PRKG1: variants seen among roughly 807,000 people sequenced by gnomAD.
The protein encoded by PRKG1 is cGMP-dependent protein kinase 1.
In PRKG1, 35 loss-of-function variants were observed where a neutral mutation model predicts 88.1. The ratio of observed to expected loss-of-function variants is 0.40; its 90% CI spans 0.30 to 0.53. The LOEUF (loss-of-function observed/expected upper bound fraction) is 0.53, where lower values mean the gene tolerates loss of function less well. Among genes scored for constraint, PRKG1 ranks in the 20% least tolerant of loss-of-function variants. PRKG1 has a pLI of 0.59. For synonymous variants in PRKG1, 303 were observed against 292.5 expected, an observed-to-expected ratio of 1.04 and a Z score of -0.37; for missense variants, 540 against 839.8, an observed-to-expected ratio of 0.64 and a Z score of 4.41.
intron 5 of PRKG1, among the ~76,000 whole-genome samples, chr10:51,927,399 A>C (rs189086092): frequency 6.6e-6 from 1 of 152,258 alleles, no homozygotes; most frequent in Admixed American, 6.5e-5. Context: ...GAGTCCATTA[A>C]CCTAAAACCT....
chr10:51,966,503 G>A lies in PRKG1; in HGVS notation c.762+58933G>A, dbSNP rs145006331. Among the ~76,000 whole-genome samples, 9 of 151,910 alleles carry A rather than the reference G, an allele frequency of 5.9e-5. No homozygotes were observed. In the East Asian group the frequency reaches 1.7e-3, roughly 29 times the overall value. On this transcript the variant is annotated intron_variant, in intron 5 of 17. Transcript: ENST00000373980. ...TTTCCGTATTTCCTTACTTTAACTG[G>A]CATTTTACGTCAATGCCATTTCTTT...
chr10:52,082,837 C>T (rs1846813771), intron 7 of PRKG1, among the ~76,000 whole-genome samples: 1 of 151,882 alleles, frequency 6.6e-6, no homozygotes, highest in South Asian at 2.1e-4. Flanking sequence ...TTTAAATAAC[C>T]AATTTCAGTA....
chr10:51,321,191 T>C (rs1841445797), intron 2 of PRKG1, among the ~76,000 whole-genome samples: 1 of 152,222 alleles, frequency 6.6e-6, no homozygotes, highest in Non-Finnish European at 1.5e-5. Context: ...GAAGCCAAAC[T>C]GACCTCTTTA....
chr10:51,995,593 A>G (rs902875347), intron 5 of PRKG1, among the ~76,000 whole-genome samples: 4 of 152,062 alleles, frequency 2.6e-5, no homozygotes, highest in African/African-American at 9.7e-5. Context: ...CTCCTCTACC[A>G]TATTGTCACT....
intron 3 of PRKG1, among the ~76,000 whole-genome samples, chr10:51,652,693 A>G (rs1489695759): frequency 6.6e-6 from 1 of 152,234 alleles, no homozygotes; most frequent in African/African-American, 2.4e-5. Flanking sequence ...GGAGTGATTA[A>G]ATCAAGGTAA....
chr10:51,779,082 A>G lies in PRKG1; in HGVS notation c.593-25503A>G, dbSNP rs1838517433. ...GGGATTGTTAGGTATCCATGTTTTAACCAGATAGTCCAGTATTTGCCCTAT... is the reference window on the plus strand; with the variant it reads ...GGGATTGTTAGGTATCCATGTTTTAGCCAGATAGTCCAGTATTTGCCCTAT... On this transcript the variant is annotated intron_variant, in intron 3 of 17. Transcript: ENST00000373980. 2.6e-5 allele frequency among the ~76,000 whole-genome samples: 4 copies of G among 152,102 alleles called. No homozygotes were observed. The South Asian group carries it at 8.3e-4, about 32-fold the overall frequency.
chr10:51,860,333 C>A (rs1311729598), intron 4 of PRKG1, among the ~76,000 whole-genome samples: 2 of 152,172 alleles, frequency 1.3e-5, no homozygotes, highest in Admixed American at 6.5e-5. Context: ...TAGGATCCAG[C>A]CTGAAAGAAC....
chr10:51,531,167 A>G (rs79550216), intron 3 of PRKG1, among the ~76,000 whole-genome samples: 10,431 of 152,310 alleles, frequency 0.068, 526 homozygotes, highest in South Asian at 0.13. Flanking sequence ...GCTGTTGAGC[A>G]TCTGCCTTGT....
intron 1 of PRKG1, among the ~76,000 whole-genome samples, chr10:51,090,370 A>G (rs1844370847): frequency 6.6e-6 from 1 of 152,202 alleles, no homozygotes; most frequent in Non-Finnish European, 1.5e-5. Flanking sequence ...GGCTTTACTG[A>G]GTATGACTCA....
chr10:52,063,244 A>T (rs1246446099), intron 7 of PRKG1, among the ~76,000 whole-genome samples: 1 of 152,244 alleles, frequency 6.6e-6, no homozygotes, highest in Non-Finnish European at 1.5e-5. Flanking sequence ...GCCACTGCAC[A>T]GGCAAACAAA....
intron 5 of PRKG1, among the ~76,000 whole-genome samples, chr10:52,008,303 C>T (rs566150405): frequency 4.6e-5 from 7 of 152,086 alleles, no homozygotes; most frequent in East Asian, 3.9e-4. Flanking sequence ...GAAATTGAAA[C>T]GTGTAAAACC....
At chr10:51,402,874 G>A (rs1322805274) in intron 2 of PRKG1, among the ~76,000 whole-genome samples, 1 of 152,148 alleles carries the variant, frequency 6.6e-6, no homozygotes, top group Non-Finnish European at 1.5e-5. Flanking sequence ...CCAAGAAGAG[G>A]ATTGTAAAAA....
At chr10:51,684,593 G>A (rs1479494635) in intron 3 of PRKG1, among the ~76,000 whole-genome samples, 1 of 152,084 alleles carries the variant, frequency 6.6e-6, no homozygotes, top group Non-Finnish European at 1.5e-5. Context: ...AATTTGGCCA[G>A]GCGCAGTGGC....
chr10:51,746,868 T>C (rs368752877), intron 3 of PRKG1, among the ~76,000 whole-genome samples: 1 of 152,214 alleles, frequency 6.6e-6, no homozygotes, highest in Non-Finnish European at 1.5e-5. Context: ...TTCCCCTCCA[T>C]GTACGGCAAC....
chr10:51,977,611 C>G (rs952151378), intron 5 of PRKG1, among the ~76,000 whole-genome samples: 5 of 152,084 alleles, frequency 3.3e-5, no homozygotes, highest in African/African-American at 9.7e-5. Flanking sequence ...TCCTTTTTCT[C>G]TACAACCACA....
intron 5 of PRKG1, among the ~76,000 whole-genome samples, chr10:51,963,974 C>A (rs1038107224): frequency 6.6e-6 from 1 of 152,156 alleles, no homozygotes; most frequent in African/African-American, 2.4e-5. Flanking sequence ...TGAAACGAAT[C>A]TAACAGATTA....
intron 5 of PRKG1, among the ~76,000 whole-genome samples, chr10:52,025,277 G>A (rs9665706): frequency 0.62 from 94,006 of 151,844 alleles, 29,285 homozygotes; most frequent in African/African-American, 0.67. Flanking sequence ...TCTGTAGGTT[G>A]CCTGTTCATT....
In PRKG1 at chr10:51,227,118, T is replaced by G. The variant is rs569781183; in HGVS notation, c.478+73788T>G. 4.4e-4 allele frequency among the ~76,000 whole-genome samples: 66 copies of G among 150,816 alleles called. No homozygotes were observed. In the South Asian group the frequency reaches 7.5e-3, roughly 17 times the overall value. On this transcript the variant is annotated intron_variant, in intron 2 of 17. Transcript: ENST00000373980. ...TCATTTAATAATTATTCCTGTGTAATGTACAGGAATAATTATATATATTAT... is the reference window on the plus strand; with the variant it reads ...TCATTTAATAATTATTCCTGTGTAAGGTACAGGAATAATTATATATATTAT...
chr10:51,735,646 A>G (rs903868676), intron 3 of PRKG1, among the ~76,000 whole-genome samples: 17 of 152,224 alleles, frequency 1.1e-4, no homozygotes, highest in Non-Finnish European at 2.2e-4. Context: ...AAATTTGCCC[A>G]TAACTTATGC....
Sources: allele counts gnomAD v4.1 joint callset (sites outside exome capture counted in the v4.1 genomes callset), GRCh38; gene constraint gnomAD v4.1.1; transcripts MANE v1.5; gene names NCBI Gene and HGNC (gene_info 2026-07-23, HGNC 2026-07-21).